EEFSEC: variants seen among roughly 807,000 people sequenced by gnomAD.
EEFSEC encodes the protein eukaryotic elongation factor, selenocysteine-tRNA specific.
EEFSEC carries 43 observed loss-of-function variants against 42.1 expected under a neutral mutation model. The observed-to-expected ratio is 1.02, with a 90% CI of 0.80 to 1.32. EEFSEC has a LOEUF of 1.32. Among genes scored for constraint, EEFSEC ranks in the 40% most tolerant of loss-of-function variants. The pLI is 0.00. For synonymous variants in EEFSEC, 354 were observed against 339.1 expected (o/e 1.04, Z -0.48); for missense variants, 745 against 803.6 (o/e 0.93, Z 0.88).
intron 1 of EEFSEC, among the ~76,000 whole-genome samples, chr3:128,206,859 G>A (rs910650962): frequency 1.3e-4 from 20 of 152,090 alleles, no homozygotes; most frequent in Admixed American, 3.3e-4. Flanking sequence ...CGGCTGGCCC[G>A]GAGACAGAAT....
At position 128,264,752 on chromosome 3, in the gene EEFSEC, G is replaced by A. The variant is rs751104507; in HGVS notation, c.757G>A (p.Gly253Ser). The change falls in exon 4 of 7, where the codon GGT becomes AGT. Residue 253 changes from glycine to serine, a missense_variant. By Grantham distance (56) the Gly-to-Ser change is moderately conservative. Coordinates refer to ENST00000254730, the MANE Select transcript of EEFSEC (RefSeq NM_021937.5). Reference sequence around the variant, plus strand: ...CATCCTTTCAGGCTCCATCAGCCTCGGTGACAGTGTGGAGATCCCTGCCCT... The same window carrying A: ...CATCCTTTCAGGCTCCATCAGCCTCAGTGACAGTGTGGAGATCCCTGCCCT... ...GTILSGSISL[G>S]DSVEIPALKV... 8.7e-6 allele frequency: 14 copies of A among 1,613,930 alleles called. No individual in the cohort carries two copies. Among genetic ancestry groups the A allele is most frequent in the Admixed American group, 5.0e-5 (3 of 59,984 alleles).
intron 1 of EEFSEC, among the ~76,000 whole-genome samples, chr3:128,228,107 AC>A (rs1559877309): frequency 6.6e-6 from 1 of 151,986 alleles, no homozygotes; most frequent in East Asian, 1.9e-4. Flanking sequence ...GTCATCTCTG[AC>A]CTCTCAGTGC....
intron 5 of EEFSEC, among the ~76,000 whole-genome samples, chr3:128,354,017 C>T (rs7615340): frequency 0.1 from 15,463 of 152,104 alleles, 1,806 homozygotes; most frequent in African/African-American, 0.29. Flanking sequence ...GCCTCCCCTC[C>T]CCTGGGGCAG....
Position 128,252,919 on chromosome 3 carries a change from GC to G in EEFSEC, c.524+5877del, listed in dbSNP as rs563993396. Among the ~76,000 whole-genome samples the G allele has an allele frequency of 3.5e-3, 528 of 152,200 alleles. 1 individual carries two copies. The highest frequency in any genetic ancestry group is 0.012 in the African/African-American group (490 of 41,500). ...GCTCCTGCCCGCACTACAGAGCTGT[GC>G]AGCTGCCGTCTCTGGCTGGAGCCCC... On this transcript the variant is annotated intron_variant, in intron 2 of 6. Coordinates refer to ENST00000254730, the MANE Select transcript of EEFSEC (RefSeq NM_021937.5).
chr3:128,220,942 C>T (rs138356201), intron 1 of EEFSEC, among the ~76,000 whole-genome samples: 491 of 152,338 alleles, frequency 3.2e-3, no homozygotes, highest in Non-Finnish European at 4.9e-3. Context: ...GAGTCTACAA[C>T]ACAACTCTGT....
intron 4 of EEFSEC, among the ~76,000 whole-genome samples, chr3:128,269,708 C>T (rs2066394472): frequency 6.6e-6 from 1 of 152,172 alleles, no homozygotes; most frequent in Non-Finnish European, 1.5e-5. Context: ...ATTAGCTGAG[C>T]AAGAAAATGT....
At chr3:128,290,559 T>C (rs1302409735) in intron 4 of EEFSEC, among the ~76,000 whole-genome samples, 1 of 152,104 alleles carries the variant, frequency 6.6e-6, no homozygotes, top group East Asian at 1.9e-4. Context: ...TATATAGATT[T>C]CCAAGTCAAC....
At chr3:128,171,064 A>G (rs1436188207) in intron 1 of EEFSEC, among the ~76,000 whole-genome samples, 2 of 152,206 alleles carry the variant, frequency 1.3e-5, no homozygotes, top group Non-Finnish European at 2.9e-5. Context: ...CAAACTGTCC[A>G]CAGGGCGGTG....
chr3:128,265,228 TAAACATG>T (rs986941419), intron 4 of EEFSEC, among the ~76,000 whole-genome samples: 1 of 152,152 alleles, frequency 6.6e-6, no homozygotes, highest in African/African-American at 2.4e-5. Flanking sequence ...AATTTCAAAT[TAAACATG>T]ACGTGAATCT....
At chr3:128,191,339 C>T (rs909202553) in intron 1 of EEFSEC, among the ~76,000 whole-genome samples, 4 of 152,046 alleles carry the variant, frequency 2.6e-5, no homozygotes, top group African/African-American at 9.7e-5. Context: ...CTTGCCCAGG[C>T]TGGAGTGTGG....
chr3:128,201,827 G>C (rs1274119005), intron 1 of EEFSEC, among the ~76,000 whole-genome samples: 1 of 152,198 alleles, frequency 6.6e-6, no homozygotes, highest in African/African-American at 2.4e-5. Flanking sequence ...AAAGCTTAAT[G>C]ACATTAGCGT....
the EEFSEC span, among the ~76,000 whole-genome samples, chr3:128,420,639 G>A: frequency 1.2e-4 from 19 of 152,196 alleles, no homozygotes; most frequent in Non-Finnish European, 2.4e-4. Flanking sequence ...TCCTTTTCCT[G>A]GGAAGGACTC....
intron 4 of EEFSEC, among the ~76,000 whole-genome samples, chr3:128,282,992 C>G (rs1339959360): frequency 6.6e-6 from 1 of 152,232 alleles, no homozygotes; most frequent in Non-Finnish European, 1.5e-5. Flanking sequence ...GTAGCCTTTT[C>G]TTGGGAACAC....
At chr3:128,407,997 A>C in intron 6 of EEFSEC, 72 bp from the exon 7 acceptor site, 1 of 1,396,064 alleles carries the variant, frequency 7.2e-7, no homozygotes, top group Non-Finnish European at 9.6e-7. Context: ...TCTAGGCAGC[A>C]GGTGCGCGGG....
At chr3:128,314,099 G>T (rs1310466063) in intron 4 of EEFSEC, among the ~76,000 whole-genome samples, 1 of 152,130 alleles carries the variant, frequency 6.6e-6, no homozygotes, top group Non-Finnish European at 1.5e-5. Flanking sequence ...AGGACATGCT[G>T]CTCTCTCTCT....
chr3:128,255,469 C>G (rs1410526186), intron 2 of EEFSEC, among the ~76,000 whole-genome samples: 1 of 152,148 alleles, frequency 6.6e-6, no homozygotes, highest in Non-Finnish European at 1.5e-5. Context: ...CCCTGGCCCC[C>G]GTTCCTCTTA....
intron 1 of EEFSEC, among the ~76,000 whole-genome samples, chr3:128,182,141 T>C (rs2065413418): frequency 6.6e-6 from 1 of 152,224 alleles, no homozygotes; most frequent in Non-Finnish European, 1.5e-5. Context: ...TGGGGCAAGG[T>C]ACCCAGATTA....
chr3:128,280,276 T>C (rs968177349), intron 4 of EEFSEC, among the ~76,000 whole-genome samples: 1 of 152,200 alleles, frequency 6.6e-6, no homozygotes, highest in African/African-American at 2.4e-5. Flanking sequence ...AGAGCTTTCA[T>C]GTTTCAGTCT....
chr3:128,155,341 G>A (rs933616955), intron 1 of EEFSEC, among the ~76,000 whole-genome samples: 2 of 151,936 alleles, frequency 1.3e-5, no homozygotes, highest in Admixed American at 6.6e-5. Context: ...TCTTGATCTC[G>A]ACCTCGTGAT....
Sources: allele counts gnomAD v4.1 joint callset (sites outside exome capture counted in the v4.1 genomes callset), GRCh38; gene constraint gnomAD v4.1.1; transcripts MANE v1.5; gene names NCBI Gene and HGNC (gene_info 2026-07-23, HGNC 2026-07-21).